Variants in ATP6V1E1 observed in about 807,000 individuals in gnomAD.
The protein encoded by ATP6V1E1 is ATPase H+ transporting V1 subunit E1.
In ATP6V1E1, 21 loss-of-function variants were observed where a neutral mutation model predicts 35.2. That is an observed-to-expected ratio of 0.60 (90% CI 0.42 to 0.86). The LOEUF (loss-of-function observed/expected upper bound fraction) is 0.86, where lower values mean the gene tolerates loss of function less well. Ranked by LOEUF, ATP6V1E1 falls within the 40% of genes least tolerant of loss-of-function variation. The pLI is 0.00. For synonymous variants in ATP6V1E1, 83 were observed against 87.8 expected (o/e 0.95, Z 0.30); for missense variants, 183 against 272.6 (o/e 0.67, Z 2.32).
intron 6 of ATP6V1E1, among the ~76,000 whole-genome samples, chr22:17,598,966 C>T (rs576715189): frequency 2.0e-5 from 3 of 152,222 alleles, no homozygotes; most frequent in East Asian, 3.9e-4. Context: ...GCATCCATAC[C>T]GTGGAATATT....
At chr22:17,608,995 G>C (rs894847431) in intron 4 of ATP6V1E1, among the ~76,000 whole-genome samples, 4 of 151,966 alleles carry the variant, frequency 2.6e-5, no homozygotes, top group Non-Finnish European at 5.9e-5. Context: ...GCTGAGGCAG[G>C]AGACTGGCGT....
intron 6 of ATP6V1E1, among the ~76,000 whole-genome samples, chr22:17,599,116 G>A (rs1394237568): frequency 2.6e-5 from 4 of 152,152 alleles, no homozygotes; most frequent in Non-Finnish European, 2.9e-5. Flanking sequence ...GAGAAGAGAA[G>A]AGAAGAGAAA....
Position 17,601,083 on chromosome 22 carries a change from T to C in ATP6V1E1, c.366+9A>G, listed in dbSNP as rs750218061. 1 of 1,610,554 alleles carries C rather than the reference T, an allele frequency of 6.2e-7. No homozygotes were observed. The highest frequency in any genetic ancestry group is 8.5e-7 in the Non-Finnish European group (1 of 1,178,178). On this transcript the variant is annotated intron_variant, in intron 5 of 8. Coordinates refer to ENST00000253413, the MANE Select transcript of ATP6V1E1 (RefSeq NM_001696.4). ...GGCTATCAACAGTAGATCTGGTCTA[T>C]GAGGGTACCTGGAGAACCAGTCCAT...
chr22:17,600,176 T>G, intron 5 of ATP6V1E1, 81 bp from the exon 6 acceptor site: 2 of 1,313,006 alleles, frequency 1.5e-6, no homozygotes, highest in Non-Finnish European at 2.2e-6. Flanking sequence ...GGCTCAGGTC[T>G]GTAATCCTAA....
At chr22:17,611,429 T>A (rs1026632644) in intron 4 of ATP6V1E1, among the ~76,000 whole-genome samples, 5 of 152,334 alleles carry the variant, frequency 3.3e-5, no homozygotes, top group South Asian at 4.1e-4. Flanking sequence ...GGGGCAACTT[T>A]TATTATTTGA....
Position 17,606,275 on chromosome 22 carries a change from C to A in ATP6V1E1, c.277-5094G>T, listed in dbSNP as rs114477906. Among the ~76,000 whole-genome samples the A allele has an allele frequency of 7.3e-3, 1,113 of 152,330 alleles. 9 individuals are homozygous for A. Among genetic ancestry groups the A allele is most frequent in the African/African-American group, 0.025 (1,041 of 41,582 alleles). On this transcript the variant is annotated intron_variant, in intron 4 of 8. Coordinates refer to ENST00000253413, the MANE Select transcript of ATP6V1E1 (RefSeq NM_001696.4). ...ATATCCTTTTCTAACTGCATGACAACTTCCTTTCCTTTCACAGCTTCTTAT... is the reference window on the plus strand; with the variant it reads ...ATATCCTTTTCTAACTGCATGACAAATTCCTTTCCTTTCACAGCTTCTTAT...
chr22:17,600,160 C>A, intron 5 of ATP6V1E1, 65 bp from the exon 6 acceptor site: 1 of 1,438,892 alleles, frequency 6.9e-7, no homozygotes. Flanking sequence ...ACAGGTCGGG[C>A]ACAGTGGCTC....
chr22:17,599,111 G>C (rs1242593214), intron 6 of ATP6V1E1, among the ~76,000 whole-genome samples: 1 of 151,028 alleles, frequency 6.6e-6, no homozygotes, highest in Non-Finnish European at 1.5e-5. Context: ...TGGGGGAGAA[G>C]AGAAGAGAAG....
chr22:17,618,681 CAAAAAAAAAAAA>C (rs796136446), intron 2 of ATP6V1E1, among the ~76,000 whole-genome samples: 2 of 72,388 alleles, frequency 2.8e-5, no homozygotes, highest in Non-Finnish European at 6.4e-5. Flanking sequence ...GACTCCATCT[CAAAAAAAAAAAA>C]AAAAAAAAAA....
At chr22:17,627,363 A>T (rs930903427) in intron 1 of ATP6V1E1, among the ~76,000 whole-genome samples, 4 of 151,338 alleles carry the variant, frequency 2.6e-5, no homozygotes, top group Non-Finnish European at 5.9e-5. Flanking sequence ...TCCTGACCTC[A>T]GGTGATCCGC....
intron 1 of ATP6V1E1, among the ~76,000 whole-genome samples, chr22:17,626,955 T>C (rs112463823): frequency 1.7e-3 from 262 of 151,182 alleles, no homozygotes; most frequent in Middle Eastern, 3.4e-3. Context: ...GGGCTACAGG[T>C]GTGAGCCACC....
chr22:17,613,007 AC>A, intron 3 of ATP6V1E1, 129 bp from the exon 4 acceptor site: 1 of 959,376 alleles, frequency 1.0e-6, no homozygotes, highest in Non-Finnish European at 1.6e-6. Flanking sequence ...AGCGTGAGCC[AC>A]CTTGCCCAGC....
At chr22:17,624,914 T>C (rs2040290664) in intron 1 of ATP6V1E1, among the ~76,000 whole-genome samples, 1 of 152,146 alleles carries the variant, frequency 6.6e-6, no homozygotes, top group African/African-American at 2.4e-5. Flanking sequence ...TTCAATATAT[T>C]ATGACAAGGA....
intron 1 of ATP6V1E1, among the ~76,000 whole-genome samples, chr22:17,623,505 T>C (rs972417116): frequency 2.6e-5 from 4 of 152,088 alleles, no homozygotes; most frequent in African/African-American, 7.2e-5. Context: ...ACCTGGTCTC[T>C]ACTAAAAATA....
At chr22:17,611,452 G>C (rs1036292715) in intron 4 of ATP6V1E1, among the ~76,000 whole-genome samples, 6 of 152,290 alleles carry the variant, frequency 3.9e-5, no homozygotes, top group Non-Finnish European at 7.3e-5. Flanking sequence ...TAATATAGGA[G>C]TTATATTAGT....
In ATP6V1E1 at chr22:17,628,718, C is replaced by T. The variant is rs1346596581; in HGVS notation, c.-83G>A. On this transcript the variant is annotated 5_prime_UTR_variant, in exon 1 of 9. Coordinates refer to ENST00000253413, the MANE Select transcript of ATP6V1E1 (RefSeq NM_001696.4). ...GGTGAGAGAAATCGGCAAAGGGAAC[C>T]CCTGCGCAGATCTCGGGTTCCTTTA... 2.1e-5 allele frequency: 33 copies of T among 1,579,632 alleles called. No individual in the cohort carries two copies. The highest frequency in any genetic ancestry group is 2.7e-5 in the Non-Finnish European group (31 of 1,149,480).
rs958987912 is a variant in ATP6V1E1, at chr22:17,628,707, G to T, written c.-72C>A. 13 of 1,599,038 alleles carry T rather than the reference G, an allele frequency of 8.1e-6. No individual in the cohort carries two copies. The East Asian group carries it at 2.9e-4, about 36-fold the overall frequency. ...TTGAAAGGTGAGGTGAGAGAAATCG[G>T]CAAAGGGAACCCCTGCGCAGATCTC... On this transcript the variant is annotated 5_prime_UTR_variant, in exon 1 of 9. Coordinates refer to ENST00000253413, the MANE Select transcript of ATP6V1E1 (RefSeq NM_001696.4).
chr22:17,627,268 C>T (rs1210811485), intron 1 of ATP6V1E1, among the ~76,000 whole-genome samples: 1 of 151,838 alleles, frequency 6.6e-6, no homozygotes, highest in African/African-American at 2.4e-5. Context: ...GCTGGGACTA[C>T]AGGCGCCCGC....
At chr22:17,619,603 T>C in intron 1 of ATP6V1E1, 77 bp from the exon 2 acceptor site, 1 of 1,295,098 alleles carries the variant, frequency 7.7e-7, no homozygotes, top group Non-Finnish European at 1.1e-6. Context: ...CAAGTAATCA[T>C]AGGTAGGTGC....
Sources: allele counts gnomAD v4.1 joint callset (sites outside exome capture counted in the v4.1 genomes callset), GRCh38; gene constraint gnomAD v4.1.1; transcripts MANE v1.5; gene names NCBI Gene and HGNC (gene_info 2026-07-23, HGNC 2026-07-21).